Variants in FAM53A observed in about 807,000 individuals in gnomAD.
The protein encoded by FAM53A is family with sequence similarity 53 member A, also known as protein FAM53A.
FAM53A carries 28 observed loss-of-function variants against 26.6 expected under a neutral mutation model. The ratio of observed to expected loss-of-function variants is 1.05; its 90% CI spans 0.78 to 1.45. The LOEUF is 1.45. Ranked by LOEUF, FAM53A falls within the 40% of genes most tolerant of loss-of-function variation. The probability of loss-of-function intolerance (pLI) is 0.00; values close to 1 mark genes in which losing one functional copy is unlikely to be tolerated. For missense variants in FAM53A, 650 were observed against 575.8 expected, an observed-to-expected ratio of 1.13 and a Z score of -1.32; for synonymous variants, 290 against 253.1, an observed-to-expected ratio of 1.15 and a Z score of -1.38.
At chr4:1,643,456 A>G (rs932709656) in intron 4 of FAM53A, among the ~76,000 whole-genome samples, 1 of 151,616 alleles carries the variant, frequency 6.6e-6, no homozygotes, top group Non-Finnish European at 1.5e-5. Flanking sequence ...ACAGAGTGAG[A>G]CTCTGTCTCA....
At chr4:1,613,237 G>C (rs1218588087), downstream of FAM53A, among the ~76,000 whole-genome samples, 2 of 152,232 alleles carry the variant, frequency 1.3e-5, no homozygotes, top group Non-Finnish European at 2.9e-5. Context: ...GAAAGGTACT[G>C]GGGGTGGGAA....
the FAM53A span, among the ~76,000 whole-genome samples, chr4:1,611,880 T>C: frequency 3.3e-5 from 5 of 152,238 alleles, no homozygotes; most frequent in African/African-American, 1.2e-4. Flanking sequence ...ACCCGAGAGC[T>C]AAAGTTCCTT....
chr4:1,606,191 A>G, the FAM53A span, among the ~76,000 whole-genome samples: 11 of 151,340 alleles, frequency 7.3e-5, no homozygotes, highest in African/African-American at 2.7e-4. Context: ...GGCGCCTGCC[A>G]CCACACCTGG....
At chr4:1,651,294 G>A (rs1322925064) in intron 4 of FAM53A, among the ~76,000 whole-genome samples, 1 of 151,830 alleles carries the variant, frequency 6.6e-6, no homozygotes, top group Admixed American at 6.6e-5. Flanking sequence ...CAATTTGGGA[G>A]GCCGAGGCAG....
intron 1 of FAM53A, among the ~76,000 whole-genome samples, chr4:1,681,484 G>T (rs1397791153): frequency 6.7e-6 from 1 of 149,946 alleles, no homozygotes; most frequent in Non-Finnish European, 1.5e-5. Flanking sequence ...CATTCGAAGT[G>T]TTCCTTTTGC....
chr4:1,677,846 G>A (rs1715147485), intron 1 of FAM53A, among the ~76,000 whole-genome samples: 1 of 152,174 alleles, frequency 6.6e-6, no homozygotes, highest in East Asian at 1.9e-4. Context: ...TCAGGAGGCC[G>A]AAGCAGGAGG....
At chr4:1,680,319 CAAAAAAAAAAAAAA>C (rs143458191) in intron 1 of FAM53A, among the ~76,000 whole-genome samples, 71 of 82,696 alleles carry the variant, frequency 8.6e-4, no homozygotes, top group African/African-American at 4.2e-3. Flanking sequence ...AACTCCGTCT[CAAAAAAAAAAAAAA>C]AAAAAAAAAA....
chr4:1,618,339 C>T (rs141959304), intron 1 of FAM53A, among the ~76,000 whole-genome samples: 359 of 152,286 alleles, frequency 2.4e-3, no homozygotes, highest in Admixed American at 4.2e-3. Flanking sequence ...AAAGACCTGG[C>T]CAGAATCCCA....
chr4:1,645,278 C>A (rs776629874), intron 4 of FAM53A, among the ~76,000 whole-genome samples: 2 of 152,252 alleles, frequency 1.3e-5, no homozygotes, highest in Admixed American at 6.5e-5. Context: ...ATGGCCAGAG[C>A]AAGCTCCGTG....
intron 2 of FAM53A, among the ~76,000 whole-genome samples, chr4:1,657,963 T>TA (rs60877360): frequency 1.3e-5 from 2 of 150,538 alleles, no homozygotes; most frequent in African/African-American, 4.9e-5. Flanking sequence ...TTAAATTTTT[T>TA]AAAAAATTTT....
upstream of FAM53A, among the ~76,000 whole-genome samples, chr4:1,684,607 T>TGTG (rs892272213): frequency 6.6e-6 from 1 of 151,276 alleles, no homozygotes; most frequent in Non-Finnish European, 1.5e-5. Context: ...AGGCAAGACC[T>TGTG]GTGGCGGCGG....
chr4:1,576,634 G>A, the FAM53A span, among the ~76,000 whole-genome samples: 8 of 152,254 alleles, frequency 5.3e-5, no homozygotes, highest in African/African-American at 1.7e-4. Flanking sequence ...GAGTGTGAAC[G>A]TTACGGTAAA....
At chr4:1,622,484 C>A (rs1428853783) in intron 1 of FAM53A, among the ~76,000 whole-genome samples, 2 of 152,244 alleles carry the variant, frequency 1.3e-5, no homozygotes, top group Non-Finnish European at 1.5e-5. Context: ...CTCCTCCCTC[C>A]CAGGGCACTG....
chr4:1,579,038 C>T, the FAM53A span, among the ~76,000 whole-genome samples: 1 of 150,488 alleles, frequency 6.6e-6, no homozygotes, highest in Non-Finnish European at 1.5e-5. Flanking sequence ...CCGGGGCGCT[C>T]CCCCCATTGC....
chr4:1,642,660 C>T (rs759654911), intron 4 of FAM53A, among the ~76,000 whole-genome samples: 30 of 152,176 alleles, frequency 2.0e-4, no homozygotes, highest in African/African-American at 6.3e-4. Context: ...TCAGCACTCC[C>T]GGGCCCCCAC....
At chr4:1,644,869 G>C (rs558522997) in intron 4 of FAM53A, 1 of 154,162 alleles carries the variant, frequency 6.5e-6, no homozygotes, top group Non-Finnish European at 1.4e-5. Context: ...AGCCTCCTAC[G>C]AGCTGACCTG....
chr4:1,577,895 A>AGGGCTGCGGGTCGGGGGCTGCAGGTGAG, the FAM53A span, among the ~76,000 whole-genome samples: 1 of 112,836 alleles, frequency 8.9e-6, no homozygotes, highest in Admixed American at 1.1e-4. Context: ...AGGCAGCCGC[A>AGGGCTGCGGGTCGGGGGCTGCAGGTGAG]GGGCTGCGGG....
the FAM53A span, among the ~76,000 whole-genome samples, chr4:1,609,411 A>T: frequency 2.6e-5 from 4 of 151,676 alleles, no homozygotes; most frequent in African/African-American, 7.3e-5. Context: ...CCTAAATCTC[A>T]TCTTGAATTG....
chr4:1,610,790 C>A, the FAM53A span, among the ~76,000 whole-genome samples: 4 of 152,110 alleles, frequency 2.6e-5, no homozygotes, highest in South Asian at 4.1e-4. Context: ...CAGGGCAGGG[C>A]AGCCAGACGC....
Sources: allele counts gnomAD v4.1 joint callset (sites outside exome capture counted in the v4.1 genomes callset), GRCh38; gene constraint gnomAD v4.1.1; transcripts MANE v1.5; gene names NCBI Gene and HGNC (gene_info 2026-07-23, HGNC 2026-07-21).